The following DLGAP1 variants were observed in gnomAD, a reference collection of about 807,000 sequenced individuals.
DLGAP1 encodes disks large-associated protein 1.
In DLGAP1, 11 loss-of-function variants were observed where a neutral mutation model predicts 90.8. The ratio of observed to expected loss-of-function variants is 0.12; its 90% CI spans 0.08 to 0.20. DLGAP1 has a LOEUF of 0.20. DLGAP1 is among the 10% of genes least tolerant of loss of function. DLGAP1 has a pLI of 1.00. For synonymous variants in DLGAP1, 558 were observed against 540.7 expected (o/e 1.03, Z -0.44); for missense variants, 1,050 against 1,333.8 (o/e 0.79, Z 3.31).
chr18:3,582,843 TC>T (rs1267449482), intron 7 of DLGAP1, among the ~76,000 whole-genome samples: 1 of 98,852 alleles, frequency 1.0e-5, no homozygotes, highest in Non-Finnish European at 2.0e-5. Flanking sequence ...CTTTCCTCCC[TC>T]CCCCCTCCCT....
chr18:4,175,009 C>T (rs2077084087), intron 1 of DLGAP1, among the ~76,000 whole-genome samples: 1 of 152,064 alleles, frequency 6.6e-6, no homozygotes, highest in Non-Finnish European at 1.5e-5. Flanking sequence ...CAGTCTATCA[C>T]AATGGTTGAA....
chr18:4,018,131 T>C (rs1351021187), intron 2 of DLGAP1, among the ~76,000 whole-genome samples: 5 of 152,196 alleles, frequency 3.3e-5, no homozygotes, highest in Admixed American at 3.3e-4. Flanking sequence ...AGTGATGCTG[T>C]GGTTTACTCT....
At chr18:3,522,473 A>G (rs116152129) in intron 10 of DLGAP1, among the ~76,000 whole-genome samples, 15,627 of 150,086 alleles carry the variant, frequency 0.1, 1,266 homozygotes, top group African/African-American at 0.23. Context: ...TGTAGACTTT[A>G]GGGGTGAAGA....
chr18:4,348,078 T>C (rs911359007), intron 1 of DLGAP1, among the ~76,000 whole-genome samples: 3 of 152,078 alleles, frequency 2.0e-5, no homozygotes, highest in Non-Finnish European at 4.4e-5. Flanking sequence ...GCTAAATAAC[T>C]TTTAGAAAAC....
chr18:3,868,207 G>A (rs2148780938), intron 4 of DLGAP1, among the ~76,000 whole-genome samples: 1 of 152,310 alleles, frequency 6.6e-6, no homozygotes, highest in South Asian at 2.1e-4. Context: ...GGCTGGAGGA[G>A]TGTTATGGGG....
rs1199534884 is a variant in DLGAP1 at position 4,045,505 on chromosome 18, G to A, written c.-158-40304C>T. On this transcript the variant is annotated intron_variant, in intron 2 of 12. Coordinates refer to ENST00000315677, the MANE Select transcript of DLGAP1 (RefSeq NM_004746.4). ...TCCCAGTTACTTGGGAGGGTGAGGCGGACGGATCGCTTGAGCCTGGGAGGT... is the reference window on the plus strand; with the variant it reads ...TCCCAGTTACTTGGGAGGGTGAGGCAGACGGATCGCTTGAGCCTGGGAGGT... Among the ~76,000 whole-genome samples, 6 of 148,178 alleles carry A rather than the reference G, an allele frequency of 4.0e-5. 1 individual carries two copies. The highest frequency in any genetic ancestry group is 4.4e-5 in the Non-Finnish European group (3 of 67,520).
chr18:3,662,434 G>C (rs1310009542), intron 7 of DLGAP1, among the ~76,000 whole-genome samples: 1 of 152,146 alleles, frequency 6.6e-6, no homozygotes, highest in African/African-American at 2.4e-5. Context: ...GAGAATTGTA[G>C]GTATGTGTTT....
intron 7 of DLGAP1, among the ~76,000 whole-genome samples, chr18:3,619,054 GACAGAGAGAGGCCAGCCACCCGCAAGCC>G (rs1260746523): frequency 2.0e-5 from 3 of 152,146 alleles, no homozygotes; most frequent in Non-Finnish European, 4.4e-5. Context: ...ACCAAGTGAG[GACAGAGAGAGGCCAGCCACCCGCAAGCC>G]ACAGAGAGAG....
intron 2 of DLGAP1, among the ~76,000 whole-genome samples, chr18:4,130,856 T>G (rs1196570200): frequency 6.6e-6 from 1 of 152,112 alleles, no homozygotes; most frequent in Non-Finnish European, 1.5e-5. Context: ...AGAGAATGCC[T>G]AGCAAGAAGT....
chr18:4,391,409 T>C (rs1211846063), intron 1 of DLGAP1, among the ~76,000 whole-genome samples: 1 of 152,170 alleles, frequency 6.6e-6, no homozygotes, highest in Non-Finnish European at 1.5e-5. Flanking sequence ...ATTTCTTGCT[T>C]AAGAAATAGT....
At chr18:4,158,204 A>C (rs940700077) in intron 1 of DLGAP1, among the ~76,000 whole-genome samples, 1 of 152,222 alleles carries the variant, frequency 6.6e-6, no homozygotes, top group African/African-American at 2.4e-5. Context: ...TTGTGCATGC[A>C]AAGCAACTAT....
At chr18:4,168,771 TG>T (rs948284960) in intron 1 of DLGAP1, among the ~76,000 whole-genome samples, 36 of 152,164 alleles carry the variant, frequency 2.4e-4, no homozygotes, top group Non-Finnish European at 5.9e-5. Context: ...ATTTTAAAGA[TG>T]GGGGTCTTAC....
At chr18:3,544,085 T>A (rs561239519) in intron 9 of DLGAP1, among the ~76,000 whole-genome samples, 24 of 152,294 alleles carry the variant, frequency 1.6e-4, no homozygotes, top group Non-Finnish European at 2.8e-4. Flanking sequence ...AGGACTTTTT[T>A]ATATACACAG....
intron 1 of DLGAP1, among the ~76,000 whole-genome samples, chr18:4,161,940 G>A (rs1251390766): frequency 5.9e-5 from 9 of 152,170 alleles, no homozygotes. Flanking sequence ...GACAGTCATT[G>A]AGATTTTCTG....
intron 1 of DLGAP1, among the ~76,000 whole-genome samples, chr18:4,158,062 T>C (rs78835121): frequency 6.6e-6 from 1 of 152,284 alleles, no homozygotes; most frequent in East Asian, 1.9e-4. Flanking sequence ...TCCTTACTCA[T>C]GAGTAAGTCA....
At chr18:3,630,443 GA>G (rs1376761018) in intron 7 of DLGAP1, among the ~76,000 whole-genome samples, 9 of 152,028 alleles carry the variant, frequency 5.9e-5, no homozygotes, top group African/African-American at 2.2e-4. Flanking sequence ...TTGATGACTC[GA>G]GATCTTGGGA....
chr18:3,878,588 T>C (rs2071062705), intron 4 of DLGAP1, among the ~76,000 whole-genome samples: 1 of 152,170 alleles, frequency 6.6e-6, no homozygotes, highest in African/African-American at 2.4e-5. Flanking sequence ...GTGCCCTCGA[T>C]GTGGAAGCTC....
At chr18:3,566,150 T>C (rs2054417585) in intron 9 of DLGAP1, among the ~76,000 whole-genome samples, 1 of 152,126 alleles carries the variant, frequency 6.6e-6, no homozygotes, top group South Asian at 2.1e-4. Flanking sequence ...AGTGTTTTTC[T>C]TTTACAATGA....
At chr18:3,778,556 T>A (rs1010093108) in intron 5 of DLGAP1, among the ~76,000 whole-genome samples, 1 of 152,058 alleles carries the variant, frequency 6.6e-6, no homozygotes. Flanking sequence ...GTGGGCTGTA[T>A]AGGCAGGTTT....
Sources: allele counts gnomAD v4.1 joint callset (sites outside exome capture counted in the v4.1 genomes callset), GRCh38; gene constraint gnomAD v4.1.1; transcripts MANE v1.5; gene names NCBI Gene and HGNC (gene_info 2026-07-23, HGNC 2026-07-21).